ZHX2: variants seen among roughly 807,000 people sequenced by gnomAD.
ZHX2 encodes zinc fingers and homeoboxes 2.
In ZHX2, 6 loss-of-function variants were observed where a neutral mutation model predicts 21.9. The observed-to-expected ratio is 0.27, with a 90% CI of 0.15 to 0.54. The LOEUF (loss-of-function observed/expected upper bound fraction) is 0.54. ZHX2 is among the 20% of genes least tolerant of loss of function. ZHX2 has a pLI of 0.95. For missense variants in ZHX2, 908 were observed against 1,090.7 expected (o/e 0.83, Z 2.36); for synonymous variants, 434 against 437.1 (o/e 0.99, Z 0.09).
intron 1 of ZHX2, among the ~76,000 whole-genome samples, chr8:122,838,692 C>T (rs1818557721): frequency 6.6e-6 from 1 of 151,454 alleles, no homozygotes; most frequent in Admixed American, 6.6e-5. Flanking sequence ...TCATTCCTGC[C>T]TCAGCCTCCC....
At chr8:122,965,561 G>A (rs930551656) in intron 3 of ZHX2, among the ~76,000 whole-genome samples, 1 of 152,014 alleles carries the variant, frequency 6.6e-6, no homozygotes, top group African/African-American at 2.4e-5. Flanking sequence ...CTTGTTTTGT[G>A]GCCTATCATA....
chr8:122,924,738 T>C (rs934349933), intron 2 of ZHX2, among the ~76,000 whole-genome samples: 7 of 152,144 alleles, frequency 4.6e-5, no homozygotes, highest in Non-Finnish European at 8.8e-5. Flanking sequence ...AATGATTGAA[T>C]GAACCGATTG....
chr8:122,940,154 C>T (rs1441684028), intron 2 of ZHX2, among the ~76,000 whole-genome samples: 1 of 152,164 alleles, frequency 6.6e-6, no homozygotes, highest in Non-Finnish European at 1.5e-5. Context: ...GAAAAGTGGA[C>T]TCCTAGTAAG....
At chr8:122,891,737 A>G (rs1225625497) in intron 2 of ZHX2, among the ~76,000 whole-genome samples, 2 of 152,070 alleles carry the variant, frequency 1.3e-5, no homozygotes, top group Admixed American at 6.5e-5. Context: ...TCAGTTTCCA[A>G]AGTTTTTGTG....
At chr8:122,843,072 T>G (rs1818675243) in intron 1 of ZHX2, among the ~76,000 whole-genome samples, 1 of 152,222 alleles carries the variant, frequency 6.6e-6, no homozygotes, top group Admixed American at 6.5e-5. Flanking sequence ...GAACCTTTAC[T>G]CGTGGGCCAT....
intron 2 of ZHX2, among the ~76,000 whole-genome samples, chr8:122,931,230 G>A (rs940093176): frequency 6.6e-5 from 10 of 152,192 alleles, no homozygotes; most frequent in South Asian, 2.1e-4. Context: ...GAGGCTCCAC[G>A]CCTGGCGCCT....
intron 2 of ZHX2, among the ~76,000 whole-genome samples, chr8:122,885,195 C>G (rs942029963): frequency 2.0e-5 from 3 of 152,222 alleles, no homozygotes; most frequent in African/African-American, 7.2e-5. Flanking sequence ...CAGAACTTCA[C>G]TGGCGAGACC....
intron 1 of ZHX2, among the ~76,000 whole-genome samples, chr8:122,798,317 G>A (rs905069777): frequency 6.6e-6 from 1 of 152,226 alleles, no homozygotes. Flanking sequence ...GGACCCTACA[G>A]TGCTGAGGGA....
At chr8:122,944,646 T>TC (rs1245344099) in intron 2 of ZHX2, among the ~76,000 whole-genome samples, 1 of 152,170 alleles carries the variant, frequency 6.6e-6, no homozygotes, top group Non-Finnish European at 1.5e-5. Flanking sequence ...TTTCTGTCCA[T>TC]CCACCGCTGT....
chr8:122,841,548 T>TG (rs958979067), intron 1 of ZHX2, among the ~76,000 whole-genome samples: 8 of 143,378 alleles, frequency 5.6e-5, no homozygotes, highest in Non-Finnish European at 9.1e-5. Flanking sequence ...GGTCGGGGGT[T>TG]GGGGGGCAAT....
At chr8:122,847,874 C>A (rs1225372040) in intron 1 of ZHX2, among the ~76,000 whole-genome samples, 1 of 152,192 alleles carries the variant, frequency 6.6e-6, no homozygotes, top group Non-Finnish European at 1.5e-5. Flanking sequence ...CCTTCAGAAA[C>A]AGTTGAGGGG....
At chr8:122,925,909 A>G (rs7827368) in intron 2 of ZHX2, among the ~76,000 whole-genome samples, 47,555 of 152,042 alleles carry the variant, frequency 0.31, 8,434 homozygotes, top group African/African-American at 0.49. Context: ...TGTGACTGCA[A>G]GTGGAGAAGA....
chr8:122,822,204 C>A (rs896463712), intron 1 of ZHX2, among the ~76,000 whole-genome samples: 1 of 152,140 alleles, frequency 6.6e-6, no homozygotes, highest in African/African-American at 2.4e-5. Flanking sequence ...TCATAACTTA[C>A]CCCACGATTT....
At chr8:122,968,444 A>T (rs994050883) in intron 3 of ZHX2, among the ~76,000 whole-genome samples, 3 of 152,194 alleles carry the variant, frequency 2.0e-5, no homozygotes, top group Non-Finnish European at 4.4e-5. Flanking sequence ...GAAGTTGCTT[A>T]ATCTTCCTCC....
chr8:122,972,598 C>T (rs1813752635), intron 3 of ZHX2, among the ~76,000 whole-genome samples: 1 of 152,236 alleles, frequency 6.6e-6, no homozygotes, highest in South Asian at 2.1e-4. Context: ...TTTACAATGC[C>T]TCATCTTATC....
intron 1 of ZHX2, among the ~76,000 whole-genome samples, chr8:122,858,690 G>T (rs1347799475): frequency 6.9e-6 from 1 of 145,588 alleles, no homozygotes. Flanking sequence ...GGCTAGGCTG[G>T]AGTGCAGTGG....
chr8:122,953,879 T>C lies in ZHX2; in HGVS notation c.2369T>C (p.Val790Ala). 1 of 1,614,134 alleles carries C rather than the reference T, an allele frequency of 6.2e-7. No homozygotes were observed. Among genetic ancestry groups the C allele is most frequent in the East Asian group, 2.2e-5 (1 of 44,862 alleles). Reference protein sequence around the residue: ...QGSDENEESSVVDYVEVTVGE... With the variant: ...QGSDENEESSAVDYVEVTVGE... ...AGCGACGAGAACGAGGAGTCGAGCG[T>C]TGTGGATTACGTGGAGGTGACGGTC... The change falls in exon 3 of 4, where the codon GTT becomes GCT. Residue 790 changes from valine to alanine, a missense_variant. Around this residue, in one of 4 missense-constraint regions of ZHX2, gnomAD observed 431 missense variants for 428.6 expected, o/e 1.01. Transcript: ENST00000314393. The surrounding 1 kb of genome is among the most constrained non-coding windows in gnomAD (Gnocchi z 4.6).
chr8:122,869,569 C>T (rs977166933), intron 2 of ZHX2, among the ~76,000 whole-genome samples: 28 of 152,212 alleles, frequency 1.8e-4, no homozygotes, highest in African/African-American at 6.8e-4. Context: ...CCAACACAGG[C>T]TCCCTCAGGG....
Position 122,840,944 on chromosome 8 carries a change from C to T in ZHX2, c.-282-22533C>T, listed in dbSNP as rs544411846. Among the ~76,000 whole-genome samples, 4 of 152,302 alleles carry T rather than the reference C, an allele frequency of 2.6e-5. No homozygotes were observed. In the South Asian group the frequency reaches 8.3e-4, roughly 32 times the overall value. On this transcript the variant is annotated intron_variant, in intron 1 of 3. Transcript: ENST00000314393. ...CTGTTCACCTGCCAACAGCTCTTTG[C>T]ACCATGGTGCCATGTTTCCTCTGCA...
Sources: gnomAD v4.1 joint callset for allele counts (sites outside exome capture counted in the v4.1 genomes callset) on GRCh38, gnomAD v4.1.1 for gene constraint, gnomAD v4.1.1 regional missense constraint, Gnocchi (gnomAD v3.1) non-coding constraint, MANE v1.5 for transcripts, NCBI Gene and HGNC (gene_info 2026-07-23, HGNC 2026-07-21) for gene names.